The following LARS1 variants were observed in gnomAD, a reference collection of about 807,000 sequenced individuals.
The protein encoded by LARS1 is leucine--tRNA ligase, cytoplasmic.
LARS1 carries 100 observed loss-of-function variants against 162.8 expected under a neutral mutation model. That is an observed-to-expected ratio of 0.61 (90% CI 0.52 to 0.73). The LOEUF (loss-of-function observed/expected upper bound fraction) is 0.73, where lower values mean the gene tolerates loss of function less well. LARS1 is among the 30% of genes least tolerant of loss of function. The pLI is 0.00. For missense variants in LARS1, 1,258 were observed against 1,408.9 expected, an observed-to-expected ratio of 0.89 and a Z score of 1.71; for synonymous variants, 457 against 462.8, an observed-to-expected ratio of 0.99 and a Z score of 0.16.
chr5:146,180,127 A>G (rs1754767125), intron 1 of LARS1, among the ~76,000 whole-genome samples: 2 of 152,232 alleles, frequency 1.3e-5, no homozygotes, highest in Non-Finnish European at 2.9e-5. Flanking sequence ...GGACATGGGA[A>G]CACTGAGGCC....
chr5:146,155,446 A>ATC (rs1753482336), intron 10 of LARS1, among the ~76,000 whole-genome samples: 1 of 152,210 alleles, frequency 6.6e-6, no homozygotes, highest in African/African-American at 2.4e-5. Context: ...GGTACTATAC[A>ATC]TCTATTTAAA....
At chr5:146,121,544 C>T (rs866163042) in intron 30 of LARS1, among the ~76,000 whole-genome samples, 4 of 152,080 alleles carry the variant, frequency 2.6e-5, no homozygotes, top group Non-Finnish European at 1.5e-5. Context: ...TACTGCAGCA[C>T]GGGCCACAAT....
intron 5 of LARS1, among the ~76,000 whole-genome samples, chr5:146,167,102 G>C (rs959479143): frequency 6.6e-6 from 1 of 152,058 alleles, no homozygotes; most frequent in African/African-American, 2.4e-5. Context: ...AAGTATAAAG[G>C]TCATAGAAGA....
At chr5:146,157,151 A>G (rs1753565797) in intron 10 of LARS1, among the ~76,000 whole-genome samples, 1 of 152,178 alleles carries the variant, frequency 6.6e-6, no homozygotes, top group Non-Finnish European at 1.5e-5. Context: ...CCTTTGGAGG[A>G]GAGAGGTGAG....
chr5:146,174,242 G>T (rs1324248753), intron 2 of LARS1, among the ~76,000 whole-genome samples: 1 of 149,492 alleles, frequency 6.7e-6, no homozygotes, highest in Non-Finnish European at 1.5e-5. Context: ...CTGAGGTTGG[G>T]ATTTCAAGAC....
rs3840516 is a variant in LARS1, at chr5:146,143,111, T to TTATA, written c.1878-31_1878-28dup. 1.2e-3 allele frequency: 1,323 copies of TTATA among 1,078,008 alleles called. 1 individual carries two copies. Among genetic ancestry groups the TTATA allele is most frequent in the Non-Finnish European group, 1.4e-3 (1,097 of 763,830 alleles). 66.8% of individuals were successfully genotyped at this position (1,078,008 alleles called of 1,614,324 possible). ...TGTATTAAAAATAAAACAAACTATT[T>TTATA]TATATATATATATATGTAATTTCTT... On this transcript the variant is annotated intron_variant, in intron 19 of 31. Coordinates refer to ENST00000394434, the MANE Select transcript of LARS1 (RefSeq NM_020117.11).
intron 2 of LARS1, among the ~76,000 whole-genome samples, chr5:146,175,111 C>G (rs1754495079): frequency 6.6e-6 from 1 of 151,596 alleles, no homozygotes; most frequent in Non-Finnish European, 1.5e-5. Flanking sequence ...CCCACCTACT[C>G]AGGAGGCTGA....
intron 30 of LARS1, 121 bp from the exon 31 acceptor site, chr5:146,120,624 C>T: frequency 1.1e-6 from 1 of 937,274 alleles, no homozygotes; most frequent in East Asian, 2.6e-5. Context: ...AAAATCATGA[C>T]TAAGGAGTAC....
intron 15 of LARS1, among the ~76,000 whole-genome samples, chr5:146,146,985 T>C (rs1049823666): frequency 7.9e-5 from 12 of 152,032 alleles, no homozygotes; most frequent in Non-Finnish European, 1.6e-4. Flanking sequence ...GTACTGGGAT[T>C]ACAGGTATGA....
chr5:146,153,900 C>T lies in LARS1; in HGVS notation c.1146G>A (p.Glu382=), dbSNP rs1753408357. 1 of 1,610,944 alleles carries T rather than the reference C, an allele frequency of 6.2e-7. No homozygotes were observed. Among genetic ancestry groups the T allele is most frequent in the African/African-American group, 1.3e-5 (1 of 74,822 alleles). The change falls in exon 11 of 32, where the codon GAG becomes GAA. Residue 382 remains glutamate, a synonymous_variant. Coordinates refer to ENST00000394434, the MANE Select transcript of LARS1 (RefSeq NM_020117.11). ...IYVLPMLTIK[E]DKGTGVVTSV... ...AATAAATAAACTCTTTACCTTTATC[C>T]TCCTTAATAGTTAGCATTGGGAGAA... is the stretch of plus-strand genomic sequence containing the variant.
Position 146,113,047 on chromosome 5 carries a change from G to A in LARS1, c.*1059C>T, listed in dbSNP as rs1764043583. Reference sequence around the variant, plus strand: ...AGAATAAATCTGTAATAGTCAGCATGACCTCTATTTTATTGATTGATTGAT... The same window carrying A: ...AGAATAAATCTGTAATAGTCAGCATAACCTCTATTTTATTGATTGATTGAT... On this transcript the variant is annotated 3_prime_UTR_variant, in exon 32 of 32. Coordinates refer to ENST00000394434, the MANE Select transcript of LARS1 (RefSeq NM_020117.11). 6.6e-6 allele frequency: 1 copy of A among 152,156 alleles called. No homozygotes were observed. Among genetic ancestry groups the A allele is most frequent in the Admixed American group, 6.5e-5 (1 of 15,270 alleles). 9.4% of individuals were successfully genotyped at this position (152,156 alleles called of 1,614,324 possible). A position where few individuals can be genotyped will look rare whatever the true frequency, so the allele number is the denominator to read the frequency against.
chr5:146,154,686 G>C (rs1315325565), intron 10 of LARS1, among the ~76,000 whole-genome samples: 1 of 152,000 alleles, frequency 6.6e-6, no homozygotes. Flanking sequence ...GCTGAGGCGG[G>C]AGAATTGCTT....
chr5:146,125,252 G>A (rs535404874), intron 28 of LARS1, among the ~76,000 whole-genome samples: 3 of 151,898 alleles, frequency 2.0e-5, no homozygotes, highest in African/African-American at 7.2e-5. Flanking sequence ...ATTAGTGTAG[G>A]TCAACACAGG....
intron 15 of LARS1, among the ~76,000 whole-genome samples, chr5:146,147,017 G>T (rs1257050743): frequency 6.6e-6 from 1 of 151,898 alleles, no homozygotes; most frequent in Non-Finnish European, 1.5e-5. Context: ...TGGCCACCTA[G>T]ACCTTTTGAG....
intron 30 of LARS1, among the ~76,000 whole-genome samples, chr5:146,121,013 A>G (rs905886174): frequency 3.3e-5 from 5 of 152,188 alleles, no homozygotes; most frequent in African/African-American, 1.2e-4. Flanking sequence ...TAAGTGGAAA[A>G]AAGTCAAATG....
rs1028526307 is a variant in LARS1 at position 146,133,047 on chromosome 5, A to T, written c.2247T>A (p.Thr749=). 1 of 1,614,058 alleles carries T rather than the reference A, an allele frequency of 6.2e-7. No individual in the cohort carries two copies. Among genetic ancestry groups the T allele is most frequent in the South Asian group, 1.1e-5 (1 of 91,042 alleles). The change falls in exon 23 of 32, where the codon ACT becomes ACA. Residue 749 remains threonine (T), a synonymous_variant. Transcript: ENST00000394434. ...CTTCCACAAAGTTGGCATCTTCTAC[A>T]GTGTCACCAGCATCAGCCAGAGCCA... The part of the protein sequence containing the change: ...MRLALADAGD[T]VEDANFVEAM...
At chr5:146,156,569 C>G (rs1753538664) in intron 10 of LARS1, among the ~76,000 whole-genome samples, 1 of 152,036 alleles carries the variant, frequency 6.6e-6, no homozygotes, top group Admixed American at 6.6e-5. Context: ...GTGGCCCGCA[C>G]CTGTAATCCC....
intron 15 of LARS1, among the ~76,000 whole-genome samples, chr5:146,146,245 G>C (rs904337057): frequency 7.2e-5 from 11 of 151,794 alleles, no homozygotes; most frequent in Non-Finnish European, 1.6e-4. Context: ...GGAGGCTGAG[G>C]CAGGAGAATC....
intron 10 of LARS1, among the ~76,000 whole-genome samples, chr5:146,154,429 T>C (rs189144413): frequency 2.1e-3 from 324 of 152,354 alleles, no homozygotes; most frequent in African/African-American, 7.3e-3. Context: ...CATTTCACAA[T>C]GTATATATAT....
Sources: gnomAD v4.1 joint callset for allele counts (sites outside exome capture counted in the v4.1 genomes callset) on GRCh38, gnomAD v4.1.1 for gene constraint, MANE v1.5 for transcripts, NCBI Gene and HGNC (gene_info 2026-07-23, HGNC 2026-07-21) for gene names.